The following ULK2 variants were observed in gnomAD, a reference collection of about 807,000 sequenced individuals.
The protein encoded by ULK2 is serine/threonine-protein kinase ULK2.
In ULK2, 76 loss-of-function variants were observed where a neutral mutation model predicts 127.5. The ratio of observed to expected loss-of-function variants is 0.60; its 90% CI spans 0.50 to 0.72. ULK2 has a LOEUF of 0.72. Among genes scored for constraint, ULK2 ranks in the 30% least tolerant of loss-of-function variants. ULK2 has a pLI of 0.00. For missense variants in ULK2, 1,144 were observed against 1,295.9 expected (o/e 0.88, Z 1.80); for synonymous variants, 452 against 461.9 (o/e 0.98, Z 0.28).
chr17:19,859,650 A>C (rs191671352), intron 3 of ULK2, among the ~76,000 whole-genome samples: 6 of 152,306 alleles, frequency 3.9e-5, no homozygotes, highest in Admixed American at 6.5e-5. Context: ...TAGGGAAAAA[A>C]TAGGAAACAC....
chr17:19,788,783 C>T (rs750231849), intron 20 of ULK2, among the ~76,000 whole-genome samples: 1 of 152,166 alleles, frequency 6.6e-6, no homozygotes, highest in African/African-American at 2.4e-5. Context: ...CTTAAGTTAA[C>T]ATCAGTGGTG....
chr17:19,778,148 G>A (rs2086846440), intron 25 of ULK2, among the ~76,000 whole-genome samples: 1 of 152,140 alleles, frequency 6.6e-6, no homozygotes, highest in South Asian at 2.1e-4. Flanking sequence ...AATAATTTTT[G>A]GGTGTAGTCA....
intron 17 of ULK2, among the ~76,000 whole-genome samples, chr17:19,798,167 T>C (rs1326769756): frequency 2.0e-5 from 3 of 152,104 alleles, no homozygotes; most frequent in Non-Finnish European, 1.5e-5. Context: ...TAAACAAATA[T>C]ATATAACGTG....
intron 10 of ULK2, among the ~76,000 whole-genome samples, chr17:19,828,541 T>C (rs1234817479): frequency 2.0e-5 from 3 of 152,206 alleles, no homozygotes; most frequent in South Asian, 2.1e-4. Flanking sequence ...TCAGTAACTT[T>C]AGATGTTATA....
In ULK2 at chr17:19,781,056, C is replaced by T. The variant is rs756054494; in HGVS notation, c.2688G>A (p.Ala896=). 8.1e-6 allele frequency: 13 copies of T among 1,613,792 alleles called. No individual in the cohort carries two copies. The highest frequency in any genetic ancestry group is 1.7e-4 in the Middle Eastern group (1 of 6,058). Residue 896 remains alanine, a synonymous_variant, in exon 24 of 27, where the codon GCG becomes GCA. Coordinates refer to ENST00000395544, the MANE Select transcript of ULK2 (RefSeq NM_014683.4). ...GGGCTTTGGCAAGATGCAGAGAAGC[C>T]GCAAGCAGCTGTGCTGCTTTCATGT... ...VLYMKAAQLL[A]ASLHLAKAQI...
intron 20 of ULK2, among the ~76,000 whole-genome samples, chr17:19,788,438 G>A (rs1182157926): frequency 6.6e-6 from 1 of 151,882 alleles, no homozygotes; most frequent in African/African-American, 2.4e-5. Flanking sequence ...CCTAGTTCCT[G>A]TTGACATTTC....
intron 10 of ULK2, among the ~76,000 whole-genome samples, chr17:19,834,384 T>C (rs1208440789): frequency 6.6e-6 from 1 of 152,036 alleles, no homozygotes; most frequent in Non-Finnish European, 1.5e-5. Flanking sequence ...AAAGGACAAC[T>C]GTATAAAATA....
At chr17:19,812,248 G>A (rs900593458) in intron 13 of ULK2, among the ~76,000 whole-genome samples, 3 of 152,140 alleles carry the variant, frequency 2.0e-5, no homozygotes, top group East Asian at 1.9e-4. Context: ...ATAGTGTATC[G>A]TATTCAGGAT....
chr17:19,782,519 G>C (rs2086941328), intron 22 of ULK2, among the ~76,000 whole-genome samples: 1 of 152,180 alleles, frequency 6.6e-6, no homozygotes, highest in South Asian at 2.1e-4. Flanking sequence ...TCAGTTAACA[G>C]TGATTACTAA....
Position 19,849,772 on chromosome 17 carries a change from T to C in ULK2, c.228A>G (p.Glu76=), listed in dbSNP as rs1335211506. The C allele has an allele frequency of 1.9e-6, 3 of 1,539,006 alleles. No individual in the cohort carries two copies. Among genetic ancestry groups the C allele is most frequent in the African/African-American group, 2.8e-5 (2 of 71,790 alleles). The stretch of plus-strand genomic sequence containing the variant: ...TCACCAAAAAGACAGAGTTGGGTAA[T>C]TCCTGAAAAGTAAACATATTAAATA... ...ENIVALYDVQ[E]LPNSVFLVME... is the part of the protein sequence containing the mutation. The change falls in exon 4 of 27, where the codon GAA becomes GAG. Residue 76 remains glutamate (E), a splice_region_variant and synonymous_variant. Coordinates refer to ENST00000395544, the MANE Select transcript of ULK2 (RefSeq NM_014683.4).
chr17:19,841,547 C>T lies in ULK2; in HGVS notation c.646G>A (p.Ala216Thr). 1 of 1,569,256 alleles carries T rather than the reference C, an allele frequency of 6.4e-7. No individual in the cohort carries two copies. The highest frequency in any genetic ancestry group is 8.6e-7 in the Non-Finnish European group (1 of 1,166,812). Residue 216 changes from alanine (A) to threonine (T), a missense_variant and splice_region_variant, in exon 9 of 27, where the codon GCC (alanine) becomes ACC (threonine). Physicochemically the swap from Ala to Thr is moderately conservative, Grantham distance 58. Coordinates refer to ENST00000395544, the MANE Select transcript of ULK2 (RefSeq NM_014683.4). ...QCLVGKPPFQANSPQDLRMFY... is the reference protein window; with the variant it reads ...QCLVGKPPFQTNSPQDLRMFY... The stretch of plus-strand genomic sequence containing the variant: ...ATCCTTAAGTCTTGAGGACTATTGG[C>T]CTATTAAAAAAAAAAAGGTTTAATT...
At chr17:19,790,197 A>T (rs1033412081) in intron 20 of ULK2, among the ~76,000 whole-genome samples, 2 of 152,124 alleles carry the variant, frequency 1.3e-5, no homozygotes, top group African/African-American at 2.4e-5. Flanking sequence ...CAGGTGAATC[A>T]CCTGAGGACA....
intron 8 of ULK2, 100 bp downstream of exon 8, chr17:19,843,020 CA>C: frequency 8.8e-6 from 9 of 1,023,074 alleles, no homozygotes; most frequent in Admixed American, 1.8e-5. Context: ...ACAGAGGAGC[CA>C]AAAACACTGC....
At chr17:19,804,513 C>G (rs1017503491) in intron 15 of ULK2, among the ~76,000 whole-genome samples, 180 bp downstream of exon 15, 1 of 151,902 alleles carries the variant, frequency 6.6e-6, no homozygotes, top group Admixed American at 6.6e-5. Flanking sequence ...TATTATCAAG[C>G]TAAGCTTAAA....
intron 13 of ULK2, among the ~76,000 whole-genome samples, chr17:19,814,456 T>TG (rs71157834): frequency 1.4e-3 from 26 of 18,254 alleles, no homozygotes; most frequent in Middle Eastern, 0.062. Context: ...TTTTTTTTTT[T>TG]TTTTTTTGGA....
At chr17:19,780,396 G>A (rs577426529) in intron 25 of ULK2, 76 bp downstream of exon 25, 245 of 1,333,170 alleles carry the variant, frequency 1.8e-4, no homozygotes, top group Non-Finnish European at 2.2e-4. Flanking sequence ...AAGGATAGCT[G>A]TCATATAGAT....
chr17:19,772,988 C>CA lies in ULK2; in HGVS notation c.*3360dup, dbSNP rs2086757503. ...GCAAGACTGTCTCAAAAAAAAAAAC[C>CA]AAAAAACAAAAACATTAAGGATTTT... On this transcript the variant is annotated 3_prime_UTR_variant, in exon 27 of 27. Transcript: ENST00000395544. 6.7e-6 allele frequency: 1 copy of CA among 149,652 alleles called. No homozygotes were observed. The highest frequency in any genetic ancestry group is 1.5e-5 in the Non-Finnish European group (1 of 68,382). 9.3% of individuals were successfully genotyped at this position (149,652 alleles called of 1,614,324 possible). A position where few individuals can be genotyped will look rare whatever the true frequency, so the allele number is the denominator to read the frequency against.
At position 19,771,727 on chromosome 17, in the gene ULK2, C is replaced by G. The variant is rs1163353403; in HGVS notation, c.*4622G>C. ...AGGAGGGGAGGAACTTGCCAAAGAA[C>G]ACACAACTGCACATGGTGGAGCTGG... On this transcript the variant is annotated 3_prime_UTR_variant, in exon 27 of 27. Transcript: ENST00000395544. 1.3e-5 allele frequency: 2 copies of G among 152,270 alleles called. No homozygotes were observed. The highest frequency in any genetic ancestry group is 4.8e-5 in the African/African-American group (2 of 41,460). The allele number at this position is 152,270 out of a possible 1,614,324, so 9.4% of individuals were successfully genotyped here.
rs551356169 is a variant in ULK2, at chr17:19,831,684, G to A, written c.788-5498C>T. On this transcript the variant is annotated intron_variant, in intron 10 of 26. Transcript: ENST00000395544. ...TACTAAAAACACAAACAAATTAGCC[G>A]GGCGTGGTGGTGGGCACCTGTAATC... 1.8e-4 allele frequency among the ~76,000 whole-genome samples: 28 copies of A among 151,912 alleles called. 1 individual carries two copies. Among genetic ancestry groups the A allele is most frequent in the African/African-American group, 3.6e-4 (15 of 41,406 alleles).
Sources: allele counts gnomAD v4.1 joint callset (sites outside exome capture counted in the v4.1 genomes callset), GRCh38; gene constraint gnomAD v4.1.1; transcripts MANE v1.5; gene names NCBI Gene and HGNC (gene_info 2026-07-23, HGNC 2026-07-21).